NRBP1: variants seen among roughly 807,000 people sequenced by gnomAD.
The protein encoded by NRBP1 is nuclear receptor binding protein 1, also known as nuclear receptor-binding protein.
NRBP1 carries 10 observed loss-of-function variants against 76.0 expected under a neutral mutation model. The ratio of observed to expected loss-of-function variants is 0.13; its 90% CI spans 0.08 to 0.22. The LOEUF is 0.22. Ranked by LOEUF, NRBP1 falls within the 10% of genes least tolerant of loss-of-function variation. NRBP1 has a pLI of 1.00. For missense variants in NRBP1, 344 were observed against 646.0 expected (o/e 0.53, Z 5.07); for synonymous variants, 235 against 240.2 (o/e 0.98, Z 0.20).
intron 8 of NRBP1, 77 bp from the exon 9 acceptor site, chr2:27,436,970 T>C (rs1664331208): frequency 2.0e-5 from 30 of 1,499,740 alleles, no homozygotes; most frequent in South Asian, 1.1e-4. Flanking sequence ...CTTTTCTTTT[T>C]TTTTTTTCCT....
At position 27,441,613 on chromosome 2, in the gene NRBP1, C is replaced by T. The variant is rs1370542042; in HGVS notation, c.1494C>T (p.Phe498=). Residue 498 remains phenylalanine (F), a synonymous_variant, in exon 17 of 18, where the codon TTC becomes TTT. Transcript: ENST00000379852. ...CGGCTGAGCTGGTGCAGCTGGGCTTCATTAGTGAGGTGAGGTTTCTGCCTT... is the reference window on the plus strand; with the variant it reads ...CGGCTGAGCTGGTGCAGCTGGGCTTTATTAGTGAGGTGAGGTTTCTGCCTT... ...ELAAELVQLG[F]ISEADQSRLT... is the part of the protein sequence containing the mutation. 3 of 1,614,004 alleles carry T rather than the reference C, an allele frequency of 1.9e-6. No individual in the cohort carries two copies. In the Admixed American group the frequency reaches 5.0e-5, roughly 27 times the overall value.
At chr2:27,439,937 C>T (rs576571594) in intron 11 of NRBP1, 39 bp downstream of exon 11, 1 of 1,540,704 alleles carries the variant, frequency 6.5e-7, no homozygotes, top group East Asian at 2.8e-5. Context: ...GTCTTCCAAT[C>T]TGGAGCCCTG....
At position 27,433,806 on chromosome 2, in the gene NRBP1, C is replaced by G; in HGVS notation, c.333+11C>G. On this transcript the variant is annotated intron_variant, in intron 3 of 17. Coordinates refer to ENST00000379852, the MANE Select transcript of NRBP1 (RefSeq NM_013392.4). ...TACAAGCTGCAGGAGGTAGGTGATGCTGAAAAGGTGAAGCCTGGGGAATGT... is the reference window on the plus strand; with the variant it reads ...TACAAGCTGCAGGAGGTAGGTGATGGTGAAAAGGTGAAGCCTGGGGAATGT... 2.5e-6 allele frequency: 4 copies of G among 1,614,004 alleles called. No individual in the cohort carries two copies. Among genetic ancestry groups the G allele is most frequent in the Non-Finnish European group, 3.4e-6 (4 of 1,179,988 alleles).
At position 27,441,975 on chromosome 2, in the gene NRBP1, CCCTCCCCTCTCTT is replaced by C. The variant is rs1664597877; in HGVS notation, c.*174_*186del. The C allele has an allele frequency of 1.7e-6, 1 of 603,150 alleles. No homozygotes were observed. Among genetic ancestry groups the C allele is most frequent in the Non-Finnish European group, 2.9e-6 (1 of 339,632 alleles). The allele number at this position is 603,150 out of a possible 1,614,324, so 37.4% of individuals were successfully genotyped here. On this transcript the variant is annotated 3_prime_UTR_variant, in exon 18 of 18. Transcript: ENST00000379852. ...CCCTGGTTCTGAGCATCATCCTTTC[CCCTCCCCTCTCTT>C]CCTCCCCTCTGCACTTTGTTTACTT...
At chr2:27,433,535 A>C in intron 2 of NRBP1, 52 bp downstream of exon 2, 3 of 1,607,226 alleles carry the variant, frequency 1.9e-6, no homozygotes, top group Non-Finnish European at 2.6e-6. Flanking sequence ...GAAAGGTGAG[A>C]ACTGGAAGAG....
At chr2:27,435,945 TG>T in intron 7 of NRBP1, 1 of 614,350 alleles carries the variant, frequency 1.6e-6, no homozygotes, top group East Asian at 2.7e-5. Context: ...GGATTCTGCC[TG>T]GCTGGCCACT....
rs1434891478 is a variant in NRBP1, at chr2:27,439,917, A to G, written c.1036+19A>G. 7.2e-6 allele frequency: 11 copies of G among 1,526,286 alleles called. No homozygotes were observed. Among genetic ancestry groups the G allele is most frequent in the Admixed American group, 3.5e-5 (2 of 57,054 alleles). 94.5% of individuals were successfully genotyped at this position (1,526,286 alleles called of 1,614,324 possible). ...CACCAACGTGAGTCGTCTTGGCCCT[A>G]TGGGGAATAGTCTTCCAATCTGGAG... is the stretch of plus-strand genomic sequence containing the variant. On this transcript the variant is annotated intron_variant, in intron 11 of 17. Coordinates refer to ENST00000379852, the MANE Select transcript of NRBP1 (RefSeq NM_013392.4).
At chr2:27,434,851 T>C in intron 6 of NRBP1, 89 bp downstream of exon 6, 1 of 1,322,048 alleles carries the variant, frequency 7.6e-7, no homozygotes, top group South Asian at 1.2e-5. Context: ...TGTTCTATTC[T>C]GCCTCTCCCC....
chr2:27,437,532 A>G (rs1196409703), intron 10 of NRBP1, among the ~76,000 whole-genome samples, 172 bp downstream of exon 10: 1 of 152,202 alleles, frequency 6.6e-6, no homozygotes, highest in Non-Finnish European at 1.5e-5. Flanking sequence ...TTTGCATAGA[A>G]ACACACAGGT....
At chr2:27,434,803 T>C (rs1476881363) in intron 6 of NRBP1, 41 bp downstream of exon 6, 1 of 1,589,872 alleles carries the variant, frequency 6.3e-7, no homozygotes, top group Admixed American at 1.7e-5. Flanking sequence ...TATTTCCTGA[T>C]GTAGTTACTC....
chr2:27,434,491 C>T lies in NRBP1; in HGVS notation c.456C>T (p.Tyr152=). ...CCCAGGTCATTTTTATCACAGAATA[C>T]ATGTCATCTGGGAGTCTGAAGCAAT... ...NKARVIFITE[Y]MSSGSLKQFL... The change falls in exon 5 of 18, where the codon TAC becomes TAT. Residue 152 remains tyrosine, a synonymous_variant. Coordinates refer to ENST00000379852, the MANE Select transcript of NRBP1 (RefSeq NM_013392.4). 1 of 1,613,800 alleles carries T rather than the reference C, an allele frequency of 6.2e-7. No homozygotes were observed. Among genetic ancestry groups the T allele is most frequent in the Non-Finnish European group, 8.5e-7 (1 of 1,179,674 alleles).
chr2:27,441,091 A>T, intron 14 of NRBP1, 36 bp from the exon 15 acceptor site: 1 of 1,611,954 alleles, frequency 6.2e-7, no homozygotes, highest in South Asian at 1.1e-5. Context: ...TTTTTTATGG[A>T]CAGGTCTCTA....
chr2:27,439,591 A>T (rs749586905), intron 10 of NRBP1, among the ~76,000 whole-genome samples, 175 bp from the exon 11 acceptor site: 1 of 151,322 alleles, frequency 6.6e-6, no homozygotes, highest in Non-Finnish European at 1.5e-5. Flanking sequence ...CTTTCATATA[A>T]TATCTTACAG....
In NRBP1 at chr2:27,442,231, C is replaced by T; in HGVS notation, c.*419C>T. 3.5e-6 allele frequency: 2 copies of T among 578,724 alleles called. No homozygotes were observed. The highest frequency in any genetic ancestry group is 3.8e-5 in the Admixed American group (1 of 26,150). 35.8% of individuals were successfully genotyped at this position (578,724 alleles called of 1,614,324 possible). A position where few individuals can be genotyped will look rare whatever the true frequency, so the allele number is the denominator to read the frequency against. On this transcript the variant is annotated 3_prime_UTR_variant, in exon 18 of 18. Transcript: ENST00000379852. Reference sequence around the variant, plus strand: ...GCCATTCGATTCGCCTCAGTTGCTGCTGTAATAAAAGTCTACTTTTTGCTA... The same window carrying T: ...GCCATTCGATTCGCCTCAGTTGCTGTTGTAATAAAAGTCTACTTTTTGCTA...
At chr2:27,434,665 T>C in intron 5 of NRBP1, 57 bp from the exon 6 acceptor site, 1 of 1,606,870 alleles carries the variant, frequency 6.2e-7, no homozygotes, top group Non-Finnish European at 8.5e-7. Flanking sequence ...AAGGAGCTAG[T>C]GGGAGAGAGT....
At chr2:27,441,213 G>A (rs1664540037) in intron 15 of NRBP1, 33 bp downstream of exon 15, 1 of 1,613,982 alleles carries the variant, frequency 6.2e-7, no homozygotes, top group Non-Finnish European at 8.5e-7. Context: ...CGCAGGGCTA[G>A]TAGCCAGAGG....
intron 1 of NRBP1, among the ~76,000 whole-genome samples, chr2:27,429,985 C>G (rs1321662282): frequency 2.0e-5 from 3 of 152,178 alleles, no homozygotes; most frequent in African/African-American, 7.2e-5. Context: ...TAGTGTCTTA[C>G]CATTTTCTTA....
chr2:27,442,119 C>A lies in NRBP1; in HGVS notation c.*307C>A. 1.9e-6 allele frequency: 1 copy of A among 529,368 alleles called. No homozygotes were observed. Among genetic ancestry groups the A allele is most frequent in the Non-Finnish European group, 3.3e-6 (1 of 302,842 alleles). 32.8% of individuals were successfully genotyped at this position (529,368 alleles called of 1,614,324 possible). ...CCAGCCTGTGTGGAAAGGAGGCCCACGGGCACTAGGGGAGCCGAATTCTAC... is the reference window on the plus strand; with the variant it reads ...CCAGCCTGTGTGGAAAGGAGGCCCAAGGGCACTAGGGGAGCCGAATTCTAC... On this transcript the variant is annotated 3_prime_UTR_variant, in exon 18 of 18. Coordinates refer to ENST00000379852, the MANE Select transcript of NRBP1 (RefSeq NM_013392.4).
At position 27,435,230 on chromosome 2, in the gene NRBP1, G is replaced by A. The variant is rs1423430558; in HGVS notation, c.661+3G>A. The A allele has an allele frequency of 6.2e-7, 1 of 1,613,196 alleles. No homozygotes were observed. The highest frequency in any genetic ancestry group is 1.3e-5 in the African/African-American group (1 of 74,866). On this transcript the variant is annotated splice_donor_region_variant and intron_variant, in intron 7 of 17. Coordinates refer to ENST00000379852, the MANE Select transcript of NRBP1 (RefSeq NM_013392.4). ...CGGACTCATCAAGATTGGCTCTGGT[G>A]AGGGGAGGGAGAGGTTCTGGGCAGG...
Sources: allele counts gnomAD v4.1 joint callset (sites outside exome capture counted in the v4.1 genomes callset), GRCh38; gene constraint gnomAD v4.1.1; transcripts MANE v1.5; gene names NCBI Gene and HGNC (gene_info 2026-07-23, HGNC 2026-07-21).